CTIF: variants seen among roughly 807,000 people sequenced by gnomAD.
The protein encoded by CTIF is CBP80/20-dependent translation initiation factor.
A neutral mutation model predicts 66.0 loss-of-function variants in CTIF; 21 were observed. The observed-to-expected ratio is 0.32, with a 90% confidence interval of 0.23 to 0.46. The LOEUF (loss-of-function observed/expected upper bound fraction) is 0.46. CTIF is among the 20% of genes least tolerant of loss of function. The pLI, the probability that CTIF is intolerant of heterozygous loss-of-function variation, is 1.00. For synonymous variants in CTIF, 345 were observed against 326.4 expected (o/e 1.06, Z -0.62); for missense variants, 739 against 812.7 (o/e 0.91, Z 1.10).
At chr18:48,762,822 T>TA (rs1396426538) in intron 9 of CTIF, among the ~76,000 whole-genome samples, 1 of 152,226 alleles carries the variant, frequency 6.6e-6, no homozygotes, top group African/African-American at 2.4e-5. Context: ...CCGTCTTCCC[T>TA]AAAAGCTGGG....
intron 6 of CTIF, among the ~76,000 whole-genome samples, chr18:48,698,043 G>A (rs1484206284): frequency 7.5e-6 from 1 of 132,786 alleles, no homozygotes; most frequent in Non-Finnish European, 1.6e-5. Context: ...ATGTGGCACT[G>A]CAGGGCAACT....
intron 3 of CTIF, among the ~76,000 whole-genome samples, chr18:48,653,085 C>T (rs1208153407): frequency 1.3e-5 from 2 of 152,216 alleles, no homozygotes; most frequent in Non-Finnish European, 2.9e-5. Flanking sequence ...GGGATGCCCT[C>T]TCTCACCACT....
intron 5 of CTIF, among the ~76,000 whole-genome samples, chr18:48,665,939 A>T (rs975097679): frequency 2.0e-5 from 3 of 152,078 alleles, no homozygotes; most frequent in African/African-American, 4.8e-5. Context: ...TATCTTTTTG[A>T]GTCCTTGCTT....
chr18:48,859,849 T>G lies in CTIF; in HGVS notation c.*290T>G. 2 of 592,626 alleles carry G rather than the reference T, an allele frequency of 3.4e-6. No homozygotes were observed. The highest frequency in any genetic ancestry group is 6.4e-6 in the Non-Finnish European group (2 of 314,472). 36.7% of individuals were successfully genotyped at this position (592,626 alleles called of 1,614,324 possible). A position where few individuals can be genotyped will look rare whatever the true frequency, so the allele number is the denominator to read the frequency against. On this transcript the variant is annotated 3_prime_UTR_variant, in exon 12 of 12. Coordinates refer to ENST00000256413, the MANE Select transcript of CTIF (RefSeq NM_014772.3). ...CCCTTCCTCACTCCCGCCTCTCCCC[T>G]CCCCATCAGACCCATCCCCCACGGA...
At chr18:48,596,886 C>T (rs1020687757) in intron 1 of CTIF, among the ~76,000 whole-genome samples, 19 of 152,116 alleles carry the variant, frequency 1.2e-4, no homozygotes, top group Non-Finnish European at 2.5e-4. Context: ...ATTTTCTCCC[C>T]CAGTGTTATA....
chr18:48,809,572 G>T (rs1239097944), intron 9 of CTIF, among the ~76,000 whole-genome samples: 1 of 152,032 alleles, frequency 6.6e-6, no homozygotes, highest in Non-Finnish European at 1.5e-5. Context: ...ATAGGGAACT[G>T]GTTGGAAAGC....
At position 48,804,081 on chromosome 18, in the gene CTIF, T is replaced by G. The variant is rs990821216; in HGVS notation, c.1372-13140T>G. Among the ~76,000 whole-genome samples, 3 of 152,196 alleles carry G rather than the reference T, an allele frequency of 2.0e-5. No individual in the cohort carries two copies. The South Asian group carries it at 6.2e-4, about 32-fold the overall frequency. Reference sequence around the variant, plus strand: ...GTCACTGGCATCCAAGAATCCTCAGTGTCTAGGGGCAGAGCAGAGTGAAGC... The same window carrying G: ...GTCACTGGCATCCAAGAATCCTCAGGGTCTAGGGGCAGAGCAGAGTGAAGC... On this transcript the variant is annotated intron_variant, in intron 9 of 11. Transcript: ENST00000256413.
In CTIF at chr18:48,757,997, G is replaced by A; in HGVS notation, c.663G>A (p.Arg221=). 2 of 1,613,916 alleles carry A rather than the reference G, an allele frequency of 1.2e-6. No homozygotes were observed. Among genetic ancestry groups the A allele is most frequent in the Non-Finnish European group, 1.7e-6 (2 of 1,179,972 alleles). ...DHQPGSAKHN[R]DHQKSYQGGS... The stretch of plus-strand genomic sequence containing the variant: ...AGCCAGGCAGTGCCAAACACAACAG[G>A]GACCACCAGAAATCCTACCAGGGGG... The change falls in exon 8 of 12, where the codon AGG becomes AGA. Residue 221 remains arginine (R), a synonymous_variant. Coordinates refer to ENST00000256413, the MANE Select transcript of CTIF (RefSeq NM_014772.3).
intron 9 of CTIF, among the ~76,000 whole-genome samples, chr18:48,794,732 C>G (rs1215937131): frequency 6.6e-6 from 1 of 152,196 alleles, no homozygotes; most frequent in Non-Finnish European, 1.5e-5. Flanking sequence ...AGATGCTTGT[C>G]AGACTGGAAC....
At chr18:48,732,578 A>G (rs1325439608) in intron 7 of CTIF, among the ~76,000 whole-genome samples, 3 of 152,184 alleles carry the variant, frequency 2.0e-5, no homozygotes, top group African/African-American at 7.2e-5. Context: ...AAGCTAAAAC[A>G]AGAGCCCAAA....
intron 3 of CTIF, among the ~76,000 whole-genome samples, chr18:48,647,287 G>A (rs1453364437): frequency 6.6e-6 from 1 of 152,214 alleles, no homozygotes; most frequent in Non-Finnish European, 1.5e-5. Flanking sequence ...TGGTTGCCAG[G>A]ATGAGGGAAG....
At chr18:48,559,802 G>A (rs2089110658) in intron 1 of CTIF, among the ~76,000 whole-genome samples, 1 of 152,162 alleles carries the variant, frequency 6.6e-6, no homozygotes, top group African/African-American at 2.4e-5. Context: ...ACTGTGAAAG[G>A]TGGGAAGGTG....
At chr18:48,564,613 T>C (rs1001576666) in intron 1 of CTIF, among the ~76,000 whole-genome samples, 2 of 152,150 alleles carry the variant, frequency 1.3e-5, no homozygotes, top group Admixed American at 1.3e-4. Context: ...GGTGGTTGTG[T>C]AGGTTTTTGT....
chr18:48,633,315 A>G (rs1036806820), intron 2 of CTIF, among the ~76,000 whole-genome samples: 1 of 152,200 alleles, frequency 6.6e-6, no homozygotes, highest in Non-Finnish European at 1.5e-5. Context: ...ACTCCAATAT[A>G]TAAAGCAGAG....
chr18:48,743,725 C>G (rs2092573005), intron 7 of CTIF, among the ~76,000 whole-genome samples: 1 of 152,166 alleles, frequency 6.6e-6, no homozygotes, highest in Non-Finnish European at 1.5e-5. Flanking sequence ...ACATATCAAT[C>G]TAAAAACTGT....
At chr18:48,561,065 C>A (rs1353557409) in intron 1 of CTIF, among the ~76,000 whole-genome samples, 10 of 151,898 alleles carry the variant, frequency 6.6e-5, no homozygotes, top group Non-Finnish European at 1.3e-4. Flanking sequence ...ATGGCCAAAC[C>A]CCATCTCTAC....
At chr18:48,596,466 TTTC>T (rs2089988531) in intron 1 of CTIF, among the ~76,000 whole-genome samples, 1 of 151,120 alleles carries the variant, frequency 6.6e-6, no homozygotes, top group African/African-American at 2.4e-5. Flanking sequence ...TTCCTTTTCT[TTTC>T]TTTCTTTCTT....
intron 1 of CTIF, among the ~76,000 whole-genome samples, chr18:48,612,361 C>A (rs1190036932): frequency 6.6e-6 from 1 of 152,188 alleles, no homozygotes; most frequent in East Asian, 1.9e-4. Context: ...CTGGCCCTGC[C>A]CTGGGGGCCA....
At chr18:48,656,513 C>T (rs2091249211) in intron 3 of CTIF, among the ~76,000 whole-genome samples, 2 of 152,166 alleles carry the variant, frequency 1.3e-5, no homozygotes, top group East Asian at 1.9e-4. Flanking sequence ...TTTTAGGAGT[C>T]TGACCTCCCC....
Sources: allele counts gnomAD v4.1 joint callset (sites outside exome capture counted in the v4.1 genomes callset), GRCh38; gene constraint gnomAD v4.1.1; transcripts MANE v1.5; gene names NCBI Gene and HGNC (gene_info 2026-07-23, HGNC 2026-07-21).